IGSF22: variants seen among roughly 807,000 people sequenced by gnomAD.
The protein encoded by IGSF22 is immunoglobulin superfamily, member 22.
IGSF22 carries 119 observed loss-of-function variants against 127.0 expected under a neutral mutation model. The ratio of observed to expected loss-of-function variants is 0.94; its 90% CI spans 0.81 to 1.09. The LOEUF (loss-of-function observed/expected upper bound fraction) is 1.09. Among genes scored for constraint, IGSF22 ranks in the 50% least tolerant of loss-of-function variants. IGSF22 has a pLI of 0.00. For missense variants in IGSF22, 1,518 were observed against 1,716.6 expected, an observed-to-expected ratio of 0.88 and a Z score of 2.04; for synonymous variants, 568 against 664.7, an observed-to-expected ratio of 0.85 and a Z score of 2.24.
chr11:18,718,018 C>A lies in IGSF22; in HGVS notation c.886G>T (p.Val296Phe), dbSNP rs758091072. ...VKQMGTKYML[V>F]ISNVNMNDAG... The stretch of plus-strand genomic sequence containing the variant: ...TCGTTCATGTTCACGTTGCTAATAA[C>A]CAGCATGTACTTGGTGCCCATCTGC... Residue 296 changes from valine (V) to phenylalanine (F), a missense_variant, in exon 9 of 23, where the codon GTT becomes TTT. By Grantham distance (50) the Val-to-Phe change is conservative. Transcript: ENST00000513874. The A allele has an allele frequency of 3.1e-6, 5 of 1,614,110 alleles. No homozygotes were observed. The highest frequency in any genetic ancestry group is 4.2e-6 in the Non-Finnish European group (5 of 1,180,050).
At chr11:18,720,977 C>G (rs1338213867) in intron 4 of IGSF22, among the ~76,000 whole-genome samples, 1 of 152,158 alleles carries the variant, frequency 6.6e-6, no homozygotes, top group Non-Finnish European at 1.5e-5. Context: ...TAGATCTCCC[C>G]GTGATCCATC....
At chr11:18,710,973 A>T (rs1848345175) in intron 15 of IGSF22, 145 bp from the exon 16 acceptor site, 2 of 709,672 alleles carry the variant, frequency 2.8e-6, no homozygotes. Context: ...ACAAGGTCTC[A>T]CTCTGTTGCC....
chr11:18,706,228 G>A, intron 21 of IGSF22, 82 bp from the exon 22 acceptor site: 6 of 1,283,754 alleles, frequency 4.7e-6, no homozygotes, highest in Non-Finnish European at 6.3e-6. Context: ...CAGCTTACAC[G>A]GAACCCCGAG....
chr11:18,718,553 G>T, intron 8 of IGSF22, 62 bp downstream of exon 8: 1 of 922,490 alleles, frequency 1.1e-6, no homozygotes, highest in Non-Finnish European at 1.8e-6. Flanking sequence ...TATATACAGT[G>T]AGAGAAGGGG....
chr11:18,725,588 C>T (rs1848639414), intron 1 of IGSF22, among the ~76,000 whole-genome samples: 1 of 152,050 alleles, frequency 6.6e-6, no homozygotes, highest in Non-Finnish European at 1.5e-5. Flanking sequence ...CTACAGGCAC[C>T]CGCCATCACA....
chr11:18,710,661 T>C lies in IGSF22; in HGVS notation c.2566A>G (p.Ile856Val), dbSNP rs1482233627. 6.2e-7 allele frequency: 1 copy of C among 1,612,028 alleles called. No individual in the cohort carries two copies. The highest frequency in any genetic ancestry group is 2.2e-5 in the East Asian group (1 of 44,824). The change falls in exon 16 of 23, where the codon ATC (isoleucine) becomes GTC (valine). Residue 856 changes from isoleucine (I) to valine (V), a missense_variant. Coordinates refer to ENST00000513874, the MANE Select transcript of IGSF22 (RefSeq NM_173588.4). ...TCTGTTCCAAGGACCTCACCCTGGA[T>C]GGGGTCCTTGTTGACTGGCACCCAC... ...NLWVPVNKDP[I>V]QGTKCTVDGL...
Position 18,710,405 on chromosome 11 carries a change from G to A in IGSF22, c.2623C>T (p.Arg875Ter), listed in dbSNP as rs776372705. Reference sequence around the variant, plus strand: ...CCTGCCTTATTTACAGCTATAACTCGGAATTCATATTCTGTGTCCTCCAGG... The same window carrying A: ...CCTGCCTTATTTACAGCTATAACTCAGAATTCATATTCTGTGTCCTCCAGG... ...GLLEDTEYEF[R>*]VIAVNKAGPG... is the part of the protein sequence containing the mutation. Residue 875 changes from arginine (R) to a stop codon, truncating the protein, a stop_gained, in exon 17 of 23, where the codon CGA becomes TGA. Transcript: ENST00000513874. LOFTEE classifies it high-confidence loss of function. 6.3e-5 allele frequency: 101 copies of A among 1,614,054 alleles called. 1 individual carries two copies. In the Middle Eastern group the frequency reaches 2.0e-3, roughly 32 times the overall value.
intron 21 of IGSF22, chr11:18,706,632 C>T (rs987682646): frequency 9.8e-6 from 4 of 409,476 alleles, no homozygotes; most frequent in African/African-American, 6.0e-5. Context: ...CCGTTAGACC[C>T]TCCCCTCAGA....
chr11:18,715,384 C>T, intron 11 of IGSF22, 48 bp downstream of exon 11: 1 of 1,562,706 alleles, frequency 6.4e-7, no homozygotes, highest in Non-Finnish European at 8.7e-7. Context: ...TAAGGGAATG[C>T]CAGGGTCAGG....
rs1564874317 is a variant in IGSF22 at position 18,718,028 on chromosome 11, C to G, written c.876G>C (p.Lys292Asn). Residue 292 changes from lysine to asparagine, a missense_variant, in exon 9 of 23, where the codon AAG becomes AAC. Lys to Asn is a moderately conservative substitution (Grantham distance 94). Around this residue, in one of 3 missense-constraint regions of IGSF22, gnomAD observed 1,456 missense variants for 1,644.9 expected, o/e 0.89. Coordinates refer to ENST00000513874, the MANE Select transcript of IGSF22 (RefSeq NM_173588.4). ...GKYDVKQMGT[K>N]YMLVISNVNM... is the part of the protein sequence containing the mutation. ...TCACGTTGCTAATAACCAGCATGTA[C>G]TTGGTGCCCATCTGCTTCACATCGT... 1 of 1,614,230 alleles carries G rather than the reference C, an allele frequency of 6.2e-7. No individual in the cohort carries two copies. The highest frequency in any genetic ancestry group is 8.5e-7 in the Non-Finnish European group (1 of 1,180,048).
At position 18,714,564 on chromosome 11, in the gene IGSF22, G is replaced by A; in HGVS notation, c.1592C>T (p.Ala531Val). Residue 531 changes from alanine (A) to valine (V), a missense_variant, in exon 12 of 23, where the codon GCT becomes GTT. By Grantham distance (64) the Ala-to-Val change is moderately conservative. Around this residue, in one of 3 missense-constraint regions of IGSF22, gnomAD observed 1,456 missense variants for 1,644.9 expected, o/e 0.89. Coordinates refer to ENST00000513874, the MANE Select transcript of IGSF22 (RefSeq NM_173588.4). ...GTCATTCAGCACTACACACAACTCA[G>A]CTGGGCTCCCAGTGGCCGCGTGCAC... ...SDVHAATGSP[A>V]ELCVVLNDEK... is the part of the protein sequence containing the mutation. The A allele has an allele frequency of 6.2e-7, 1 of 1,614,180 alleles. No individual in the cohort carries two copies. Among genetic ancestry groups the A allele is most frequent in the Non-Finnish European group, 8.5e-7 (1 of 1,180,032 alleles).
chr11:18,720,694 C>T (rs192778298), intron 4 of IGSF22, among the ~76,000 whole-genome samples: 1 of 152,280 alleles, frequency 6.6e-6, no homozygotes, highest in Non-Finnish European at 1.5e-5. Flanking sequence ...TGACTTGATG[C>T]CCGTCTGCAT....
Position 18,714,165 on chromosome 11 carries a change from C to A in IGSF22, c.1799-17G>T. On this transcript the variant is annotated splice_polypyrimidine_tract_variant and intron_variant, in intron 13 of 22. Coordinates refer to ENST00000513874, the MANE Select transcript of IGSF22 (RefSeq NM_173588.4). The stretch of plus-strand genomic sequence containing the variant: ...TAGGAGGATCTGTGGGGCGGGGCGG[C>A]AGGGAAGGCTTGAGCATTGGCATGG... 1.2e-6 allele frequency: 2 copies of A among 1,601,466 alleles called. No homozygotes were observed. Among genetic ancestry groups the A allele is most frequent in the Non-Finnish European group, 8.5e-7 (1 of 1,172,434 alleles).
chr11:18,711,308 C>T (rs1275104031), intron 15 of IGSF22, among the ~76,000 whole-genome samples: 1 of 152,106 alleles, frequency 6.6e-6, no homozygotes, highest in African/African-American at 2.4e-5. Context: ...CAGTGTGACC[C>T]CCAATCCCAT....
rs1379254587 is a variant in IGSF22, at chr11:18,721,575, T to C, written c.338A>G (p.Lys113Arg). ...ESGIPIKESA[K>R]IFYDSINKEH... ...CTTGTTAATGCTGTCGTAGAATATC[T>C]TGGCGGACTCCTTGATGGGGATGCC... is the stretch of plus-strand genomic sequence containing the variant. The change falls in exon 4 of 23, where the codon AAG (lysine) becomes AGG (arginine). Residue 113 changes from lysine to arginine, a missense_variant. By Grantham distance (26) the Lys-to-Arg change is conservative (BLOSUM62 2). Around this residue, in one of 3 missense-constraint regions of IGSF22, gnomAD observed 1,456 missense variants for 1,644.9 expected, o/e 0.89. Transcript: ENST00000513874. 1 of 1,614,264 alleles carries C rather than the reference T, an allele frequency of 6.2e-7. No individual in the cohort carries two copies. Among genetic ancestry groups the C allele is most frequent in the Non-Finnish European group, 8.5e-7 (1 of 1,180,046 alleles).
Position 18,709,471 on chromosome 11 carries a change from A to C in IGSF22, c.2914T>G (p.Phe972Val), listed in dbSNP as rs764375324. The C allele has an allele frequency of 6.2e-7, 1 of 1,614,036 alleles. No homozygotes were observed. Among genetic ancestry groups the C allele is most frequent in the Non-Finnish European group, 8.5e-7 (1 of 1,180,046 alleles). ...VGGLIERQKYFFRIRAVNEAG... is the reference protein window; with the variant it reads ...VGGLIERQKYVFRIRAVNEAG... Reference sequence around the variant, plus strand: ...TCATTCACAGCCCGGATTCGGAAGAAGTATTTCTGCCTCTCGATGAGTCCT... The same window carrying C: ...TCATTCACAGCCCGGATTCGGAAGACGTATTTCTGCCTCTCGATGAGTCCT... Residue 972 changes from phenylalanine (F) to valine (V), a missense_variant, in exon 18 of 23, where the codon TTC (phenylalanine) becomes GTC (valine). Coordinates refer to ENST00000513874, the MANE Select transcript of IGSF22 (RefSeq NM_173588.4). This position sits in a 1 kb window ranked among gnomAD's most constrained non-coding sequence, Gnocchi z 4.8.
intron 20 of IGSF22, chr11:18,707,476 G>GACT (rs1848263211): frequency 3.8e-6 from 2 of 527,552 alleles, no homozygotes; most frequent in Admixed American, 7.2e-5. Context: ...TGGGTAAAGA[G>GACT]ACTGGCATGT....
chr11:18,721,451 C>T, intron 4 of IGSF22, 84 bp downstream of exon 4: 1 of 1,578,416 alleles, frequency 6.3e-7, no homozygotes, highest in Non-Finnish European at 8.7e-7. Flanking sequence ...TTAAGGCTCT[C>T]ATCGGTGAGA....
In IGSF22 at chr11:18,709,695, C is replaced by G. The variant is rs1206680215; in HGVS notation, c.2702-12G>C. 1 of 1,610,804 alleles carries G rather than the reference C, an allele frequency of 6.2e-7. No homozygotes were observed. Among genetic ancestry groups the G allele is most frequent in the Non-Finnish European group, 8.5e-7 (1 of 1,177,950 alleles). ...CAGGCCTGGGGGTTCTGGGGTAGAA[C>G]AGACATGTAGTCAGCCCCTCCAACT... On this transcript the variant is annotated splice_polypyrimidine_tract_variant and intron_variant, in intron 17 of 22. Transcript: ENST00000513874. The surrounding 1 kb of genome is among the most constrained non-coding windows in gnomAD (Gnocchi z 4.8).
Sources: allele counts gnomAD v4.1 joint callset (sites outside exome capture counted in the v4.1 genomes callset), GRCh38; gene constraint gnomAD v4.1.1; regional missense constraint gnomAD v4.1.1; non-coding constraint Gnocchi (gnomAD v3.1); transcripts MANE v1.5; gene names NCBI Gene and HGNC (gene_info 2026-07-23, HGNC 2026-07-21).